The following NFKB1 variants were observed in gnomAD, a reference collection of about 807,000 sequenced individuals.
NFKB1 encodes the protein nuclear factor kappa B subunit 1, also known as nuclear factor NF-kappa-B p105 subunit.
In NFKB1, 9 loss-of-function variants were observed where a neutral mutation model predicts 105.1. The ratio of observed to expected loss-of-function variants is 0.09; its 90% CI spans 0.05 to 0.15. The LOEUF is 0.15. Ranked by LOEUF, NFKB1 falls within the 10% of genes least tolerant of loss-of-function variation. The pLI is 1.00. For missense variants in NFKB1, 830 were observed against 1,203.7 expected, an observed-to-expected ratio of 0.69 and a Z score of 4.59; for synonymous variants, 440 against 442.2, an observed-to-expected ratio of 1.00 and a Z score of 0.06.
intron 1 of NFKB1, among the ~76,000 whole-genome samples, chr4:102,524,586 T>G (rs1020537176): frequency 2.4e-4 from 37 of 152,130 alleles, no homozygotes; most frequent in African/African-American, 8.2e-4. Context: ...ACTTTATTTC[T>G]ATTATTATTA....
intron 11 of NFKB1, among the ~76,000 whole-genome samples, chr4:102,590,525 C>T (rs1665629259): frequency 6.6e-6 from 1 of 152,158 alleles, no homozygotes; most frequent in African/African-American, 2.4e-5. Context: ...TCTCTCAATA[C>T]TCGAAACTTT....
rs777154135 is a variant in NFKB1, at chr4:102,616,539, T to C, written c.2855T>C (p.Leu952Pro). Residue 952 changes from leucine to proline, a missense_variant, in exon 24 of 24, where the codon CTC (leucine) becomes CCC (proline). Leu to Pro is a moderately conservative substitution (Grantham distance 98). This residue lies in a region of NFKB1 where 418 missense variants were observed against 575.3 expected (regional missense o/e 0.73). Transcript: ENST00000226574. ...ACCAGTGGTGCCTCACTGCTAACTC[T>C]CAACAAAATGCCCCATGATTATGGG... ...SLTSGASLLT[L>P]NKMPHDYGQE... 4 of 1,613,804 alleles carry C rather than the reference T, an allele frequency of 2.5e-6. No homozygotes were observed. The highest frequency in any genetic ancestry group is 2.2e-5 in the East Asian group (1 of 44,888).
At chr4:102,547,211 A>T (rs977436836) in intron 5 of NFKB1, among the ~76,000 whole-genome samples, 3 of 152,226 alleles carry the variant, frequency 2.0e-5, no homozygotes, top group Non-Finnish European at 4.4e-5. Context: ...GACCAGGCAG[A>T]ATGAAAATAA....
At chr4:102,592,279 C>A (rs1015307595) in intron 11 of NFKB1, among the ~76,000 whole-genome samples, 1 of 152,150 alleles carries the variant, frequency 6.6e-6, no homozygotes, top group Non-Finnish European at 1.5e-5. Flanking sequence ...AGAGAATTGA[C>A]CCTAGTGTGG....
intron 4 of NFKB1, among the ~76,000 whole-genome samples, chr4:102,537,127 T>G (rs1005013936): frequency 2.0e-5 from 3 of 152,202 alleles, no homozygotes; most frequent in Admixed American, 6.5e-5. Flanking sequence ...TAGGTGTTTA[T>G]CAGCCCACAG....
At position 102,607,284 on chromosome 4, in the gene NFKB1, GACA is replaced by G. The variant is rs1727854955; in HGVS notation, c.2093_2095del (p.Asn698del). ...AGCACTGCACCTGGCTGTGGAGCAC[GACA>G]ACATCTCATTGGCAGGCTGCCTGCT... On this transcript the variant is annotated inframe_deletion, in exon 18 of 24. Coordinates refer to ENST00000226574, the MANE Select transcript of NFKB1 (RefSeq NM_003998.4). 6.2e-7 allele frequency: 1 copy of G among 1,613,692 alleles called. No individual in the cohort carries two copies. The highest frequency in any genetic ancestry group is 2.2e-5 in the East Asian group (1 of 44,878).
At chr4:102,594,740 T>C in intron 12 of NFKB1, 152 bp from the exon 13 acceptor site, 1 of 510,260 alleles carries the variant, frequency 2.0e-6, no homozygotes. Flanking sequence ...ACCCCCACCA[T>C]GTGTCTTAGT....
chr4:102,567,148 A>G lies in NFKB1; in HGVS notation c.407+13A>G, dbSNP rs373487501. The stretch of plus-strand genomic sequence containing the variant: ...ACATGGTGGTCGGGTAAGTAGGGGT[A>G]TATGATGCTGTGGAAGGTAGGAACA... On this transcript the variant is annotated intron_variant, in intron 6 of 23. Coordinates refer to ENST00000226574, the MANE Select transcript of NFKB1 (RefSeq NM_003998.4). The G allele has an allele frequency of 1.9e-6, 3 of 1,612,234 alleles. No individual in the cohort carries two copies. Among genetic ancestry groups the G allele is most frequent in the African/African-American group, 1.3e-5 (1 of 74,992 alleles).
chr4:102,576,310 C>T (rs929481732), intron 6 of NFKB1, among the ~76,000 whole-genome samples: 1 of 152,138 alleles, frequency 6.6e-6, no homozygotes, highest in Non-Finnish European at 1.5e-5. Context: ...GGAAAATAAT[C>T]ATTCCAAATA....
At chr4:102,537,619 A>G (rs575619385) in intron 4 of NFKB1, 3 of 360,822 alleles carry the variant, frequency 8.3e-6, no homozygotes, top group Admixed American at 8.4e-5. Context: ...GAGAGGTTCC[A>G]TGGGCTTAGG....
chr4:102,600,416 G>A (rs563592272), intron 15 of NFKB1, among the ~76,000 whole-genome samples: 1 of 152,262 alleles, frequency 6.6e-6, no homozygotes, highest in South Asian at 2.1e-4. Context: ...CCACCACACT[G>A]TATTTTGGAG....
At chr4:102,564,540 A>G (rs1035353583) in intron 5 of NFKB1, among the ~76,000 whole-genome samples, 5 of 152,362 alleles carry the variant, frequency 3.3e-5, no homozygotes, top group Non-Finnish European at 2.9e-5. Context: ...AAATGGATCC[A>G]ACAGCACATG....
chr4:102,530,472 TA>T lies in NFKB1; in HGVS notation c.118+568del, dbSNP rs952102488. Among the ~76,000 whole-genome samples, 54 of 148,820 alleles carry T rather than the reference TA, an allele frequency of 3.6e-4. 1 individual carries two copies. Among genetic ancestry groups the T allele is most frequent in the Non-Finnish European group, 6.7e-4 (45 of 66,840 alleles). ...CAACTGTTTAATTTCGTAAGAGTAATAAAAAAAAAACTCTCTTTCTTAAAAA... is the reference window on the plus strand; with the variant it reads ...CAACTGTTTAATTTCGTAAGAGTAATAAAAAAAAACTCTCTTTCTTAAAAA... On this transcript the variant is annotated intron_variant, in intron 3 of 23. Coordinates refer to ENST00000226574, the MANE Select transcript of NFKB1 (RefSeq NM_003998.4).
chr4:102,594,064 A>C (rs1726401337), intron 12 of NFKB1, among the ~76,000 whole-genome samples: 1 of 152,208 alleles, frequency 6.6e-6, no homozygotes, highest in Non-Finnish European at 1.5e-5. Context: ...AGCTGTGATC[A>C]TCATTATGCA....
At chr4:102,594,727 A>C (rs1463335305) in intron 12 of NFKB1, among the ~76,000 whole-genome samples, 165 bp from the exon 13 acceptor site, 1 of 152,166 alleles carries the variant, frequency 6.6e-6, no homozygotes, top group Non-Finnish European at 1.5e-5. Flanking sequence ...TGATAGTCCC[A>C]TGACCCCCAC....
intron 9 of NFKB1, 118 bp from the exon 10 acceptor site, chr4:102,582,748 T>C: frequency 1.7e-6 from 1 of 576,102 alleles, no homozygotes. Context: ...TTTGATCTTG[T>C]TTTTTAAAAG....
intron 14 of NFKB1, among the ~76,000 whole-genome samples, chr4:102,597,162 C>T (rs1726686081): frequency 6.6e-6 from 1 of 152,200 alleles, no homozygotes; most frequent in Non-Finnish European, 1.5e-5. Context: ...AGGATTATTT[C>T]ACCAAGATAT....
At chr4:102,514,772 A>C (rs2149101620) in intron 1 of NFKB1, among the ~76,000 whole-genome samples, 1 of 152,262 alleles carries the variant, frequency 6.6e-6, no homozygotes, top group South Asian at 2.1e-4. Flanking sequence ...CTTTGTTAAT[A>C]GGTGCGTACA....
chr4:102,582,901 A>G lies in NFKB1; in HGVS notation c.871A>G (p.Asn291Asp). The G allele has an allele frequency of 6.2e-7, 1 of 1,612,712 alleles. No homozygotes were observed. Among genetic ancestry groups the G allele is most frequent in the Non-Finnish European group, 8.5e-7 (1 of 1,179,058 alleles). The change falls in exon 10 of 24, where the codon AAT (asparagine) becomes GAT (aspartate). Residue 291 changes from asparagine (N) to aspartate (D), a missense_variant. Asn to Asp is a conservative substitution (Grantham distance 23). This residue lies in a region of NFKB1 where 42 missense variants were observed against 145.7 expected (regional missense o/e 0.29). Coordinates refer to ENST00000226574, the MANE Select transcript of NFKB1 (RefSeq NM_003998.4). ...IQIRFYEEEENGGVWEGFGDF... is the reference protein window; with the variant it reads ...IQIRFYEEEEDGGVWEGFGDF... ...GATTCGATTTTATGAAGAGGAAGAA[A>G]ATGGTGGAGTCTGGGAAGGATTTGG...
Sources: allele counts gnomAD v4.1 joint callset (sites outside exome capture counted in the v4.1 genomes callset), GRCh38; gene constraint gnomAD v4.1.1; regional missense constraint gnomAD v4.1.1; transcripts MANE v1.5; gene names NCBI Gene and HGNC (gene_info 2026-07-23, HGNC 2026-07-21).